The following TRDN variants were observed in gnomAD, a reference collection of about 807,000 sequenced individuals.
The protein encoded by TRDN is triadin, also known as triadin in skeletal muscle.
TRDN carries 161 observed loss-of-function variants against 149.7 expected under a neutral mutation model. The observed-to-expected ratio is 1.08, with a 90% CI of 0.95 to 1.23. The LOEUF (loss-of-function observed/expected upper bound fraction) is 1.23. Among genes scored for constraint, TRDN ranks in the 50% most tolerant of loss-of-function variants. The pLI, the probability that TRDN is intolerant of heterozygous loss-of-function variation, is 0.00. For missense variants in TRDN, 896 were observed against 823.5 expected, an observed-to-expected ratio of 1.09 and a Z score of -1.08; for synonymous variants, 294 against 250.5, an observed-to-expected ratio of 1.17 and a Z score of -1.64.
intron 38 of TRDN, among the ~76,000 whole-genome samples, chr6:123,226,680 T>C (rs1272822390): frequency 6.6e-6 from 1 of 151,796 alleles, no homozygotes; most frequent in Non-Finnish European, 1.5e-5. Flanking sequence ...GCAGCAAACA[T>C]TTACAGAACT....
At chr6:123,440,502 C>T (rs1314937238) in intron 10 of TRDN, among the ~76,000 whole-genome samples, 2 of 152,160 alleles carry the variant, frequency 1.3e-5, no homozygotes, top group Non-Finnish European at 2.9e-5. Flanking sequence ...TTTACATCTT[C>T]TCTAAATAAA....
At chr6:123,465,081 A>C in intron 9 of TRDN, 98 bp from the exon 10 acceptor site, 1 of 1,277,862 alleles carries the variant, frequency 7.8e-7, no homozygotes, top group Non-Finnish European at 1.1e-6. Flanking sequence ...TGCATAATTC[A>C]TAATACCAAG....
chr6:123,571,012 G>C lies in TRDN; in HGVS notation c.143C>G (p.Ala48Gly). 6.2e-7 allele frequency: 1 copy of C among 1,613,988 alleles called. No homozygotes were observed. The highest frequency in any genetic ancestry group is 1.3e-5 in the African/African-American group (1 of 75,038). Residue 48 changes from alanine (A) to glycine (G), a missense_variant, in exon 2 of 41, where the codon GCA becomes GGA. Ala to Gly is a moderately conservative substitution (Grantham distance 60). Coordinates refer to ENST00000334268, the MANE Select transcript of TRDN (RefSeq NM_006073.4). ...CAGGGCAATGACCAGAAGCCAGGCT[G>C]CAGGGGAGCTGAACGTCGTCACTAT... ...EDIVTTFSSPAAWLLVIALII... is the reference protein window; with the variant it reads ...EDIVTTFSSPGAWLLVIALII...
intron 20 of TRDN, among the ~76,000 whole-genome samples, chr6:123,358,641 A>ATTATTTTGTT (rs1554227901): frequency 6.6e-6 from 1 of 151,050 alleles, no homozygotes; most frequent in Non-Finnish European, 1.5e-5. Context: ...ATTTTTTTGT[A>ATTATTTTGTT]TTGTTTTGTT....
chr6:123,384,917 T>C (rs1261052246), intron 14 of TRDN, among the ~76,000 whole-genome samples: 1 of 152,202 alleles, frequency 6.6e-6, no homozygotes, highest in Non-Finnish European at 1.5e-5. Flanking sequence ...CCTTTCAGCA[T>C]TCTTGGCTCA....
chr6:123,328,202 G>A (rs1442826737), intron 23 of TRDN, among the ~76,000 whole-genome samples: 1 of 152,170 alleles, frequency 6.6e-6, no homozygotes, highest in Non-Finnish European at 1.5e-5. Context: ...AATGTATCAA[G>A]AATCTAAATC....
rs1366756771 is a variant in TRDN at position 123,512,460 on chromosome 6, T to C, written c.551-98A>G. ...TTCATAAGTGCTAAAACCTAATCTG[T>C]AATATTTTGAAAATGTATGACATTA... On this transcript the variant is annotated intron_variant, in intron 6 of 40. Coordinates refer to ENST00000334268, the MANE Select transcript of TRDN (RefSeq NM_006073.4). 6.1e-6 allele frequency: 4 copies of C among 650,896 alleles called. No individual in the cohort carries two copies. The African/African-American group carries it at 7.3e-5, about 12-fold the overall frequency. 40.3% of individuals were successfully genotyped at this position (650,896 alleles called of 1,614,324 possible).
At chr6:123,227,881 G>C (rs1775445653) in intron 38 of TRDN, among the ~76,000 whole-genome samples, 1 of 151,922 alleles carries the variant, frequency 6.6e-6, no homozygotes, top group Admixed American at 6.6e-5. Context: ...AGAGGAGAGA[G>C]AGGTCCTGCC....
At chr6:123,233,817 T>A (rs998376092) in intron 38 of TRDN, among the ~76,000 whole-genome samples, 2 of 152,112 alleles carry the variant, frequency 1.3e-5, no homozygotes, top group Admixed American at 6.6e-5. Flanking sequence ...TTTATTTTTT[T>A]ATTTAATAAT....
At chr6:123,584,598 T>G (rs1385940141) in intron 1 of TRDN, among the ~76,000 whole-genome samples, 2 of 152,024 alleles carry the variant, frequency 1.3e-5, no homozygotes, top group Non-Finnish European at 2.9e-5. Flanking sequence ...TATGCCGAGA[T>G]AGGTAACAGA....
chr6:123,456,383 T>C (rs1776121618), intron 10 of TRDN, among the ~76,000 whole-genome samples: 1 of 152,204 alleles, frequency 6.6e-6, no homozygotes, highest in African/African-American at 2.4e-5. Flanking sequence ...TAGTAACACA[T>C]TATGTCTTCT....
intron 1 of TRDN, among the ~76,000 whole-genome samples, chr6:123,622,871 A>G (rs1399612581): frequency 6.6e-6 from 1 of 152,164 alleles, no homozygotes; most frequent in Non-Finnish European, 1.5e-5. Context: ...TGTAGAGTTC[A>G]CTATGACAAA....
chr6:123,435,980 G>A (rs539042142), intron 12 of TRDN, among the ~76,000 whole-genome samples: 2 of 151,158 alleles, frequency 1.3e-5, no homozygotes, highest in Admixed American at 1.3e-4. Context: ...CTAAAACCAA[G>A]CCAAACACAC....
chr6:123,217,660 C>T lies in TRDN; in HGVS notation c.*941G>A, dbSNP rs531363321. ...TTAAGGCTAAAATGAATTCCTTAAA[C>T]TTTGATGGCATTCATATTTTGCCAT... On this transcript the variant is annotated 3_prime_UTR_variant, in exon 41 of 41. Transcript: ENST00000334268. The T allele has an allele frequency of 2.8e-4, 43 of 152,060 alleles. No homozygotes were observed. Among genetic ancestry groups the T allele is most frequent in the African/African-American group, 1.0e-3 (42 of 41,512 alleles). The allele number at this position is 152,060 out of a possible 1,614,324, so 9.4% of individuals were successfully genotyped here.
At chr6:123,380,745 T>G (rs1279230126) in intron 16 of TRDN, among the ~76,000 whole-genome samples, 1 of 143,106 alleles carries the variant, frequency 7.0e-6, no homozygotes, top group Non-Finnish European at 1.5e-5. Flanking sequence ...TTTTGTTAAA[T>G]ATATCTTATT....
chr6:123,261,333 G>A (rs542752592), intron 33 of TRDN, among the ~76,000 whole-genome samples: 1 of 151,800 alleles, frequency 6.6e-6, no homozygotes, highest in South Asian at 2.1e-4. Flanking sequence ...GTCATGGGAT[G>A]AGATTAAAAG....
chr6:123,441,635 T>A (rs1367685899), intron 10 of TRDN, among the ~76,000 whole-genome samples: 1 of 152,134 alleles, frequency 6.6e-6, no homozygotes, highest in African/African-American at 2.4e-5. Flanking sequence ...AAAGAAAAAT[T>A]AAACGACTTA....
intron 5 of TRDN, among the ~76,000 whole-genome samples, chr6:123,521,080 C>T (rs1448105924): frequency 6.6e-6 from 1 of 152,128 alleles, no homozygotes; most frequent in Admixed American, 6.6e-5. Flanking sequence ...CCCTTGTCAG[C>T]CTATGACTCC....
intron 9 of TRDN, among the ~76,000 whole-genome samples, chr6:123,477,274 G>A (rs1247504593): frequency 4.6e-5 from 6 of 130,230 alleles, no homozygotes; most frequent in African/African-American, 1.1e-4. Context: ...CTTCTCAAAA[G>A]AAGACATTTA....
Sources: gnomAD v4.1 joint callset for allele counts (sites outside exome capture counted in the v4.1 genomes callset) on GRCh38, gnomAD v4.1.1 for gene constraint, MANE v1.5 for transcripts, NCBI Gene and HGNC (gene_info 2026-07-23, HGNC 2026-07-21) for gene names.